ZNF385D: variants seen among roughly 807,000 people sequenced by gnomAD.
ZNF385D encodes the protein zinc finger protein 385D.
A neutral mutation model predicts 35.8 loss-of-function variants in ZNF385D; 15 were observed. The ratio of observed to expected loss-of-function variants is 0.42; its 90% CI spans 0.28 to 0.64. ZNF385D has a LOEUF of 0.64. Among genes scored for constraint, ZNF385D ranks in the 30% least tolerant of loss-of-function variants. The pLI is 0.23. For missense variants in ZNF385D, 474 were observed against 494.6 expected (o/e 0.96, Z 0.39); for synonymous variants, 212 against 186.8 (o/e 1.13, Z -1.10).
intron 2 of ZNF385D, among the ~76,000 whole-genome samples, chr3:22,271,008 T>G (rs1424248736): frequency 6.6e-6 from 1 of 151,922 alleles, no homozygotes; most frequent in Non-Finnish European, 1.5e-5. Context: ...CTGAGCAACA[T>G]TTTTTTGATG....
chr3:21,973,183 C>T (rs562356336), intron 3 of ZNF385D, among the ~76,000 whole-genome samples: 4 of 151,820 alleles, frequency 2.6e-5, no homozygotes, highest in Non-Finnish European at 5.9e-5. Context: ...TACCAAACGA[C>T]CAAATTCAAC....
chr3:21,456,765 A>C (rs1340660097), intron 4 of ZNF385D, among the ~76,000 whole-genome samples: 1 of 151,998 alleles, frequency 6.6e-6, no homozygotes, highest in African/African-American at 2.4e-5. Context: ...AAAAAAGAGA[A>C]ACTTTGAGTT....
At chr3:22,180,044 AC>A (rs1444536016) in intron 2 of ZNF385D, among the ~76,000 whole-genome samples, 1 of 152,220 alleles carries the variant, frequency 6.6e-6, no homozygotes, top group Non-Finnish European at 1.5e-5. Flanking sequence ...CACTAGCAAG[AC>A]TAATAAAGAA....
At chr3:21,558,000 C>T (rs1328308852) in intron 3 of ZNF385D, among the ~76,000 whole-genome samples, 1 of 151,806 alleles carries the variant, frequency 6.6e-6, no homozygotes, top group Non-Finnish European at 1.5e-5. Context: ...GTGGTGATAC[C>T]CCTTTATCAT....
intron 3 of ZNF385D, chr3:21,849,558 A>G (rs1696239152): frequency 6.7e-6 from 1 of 150,232 alleles, no homozygotes; most frequent in African/African-American, 2.4e-5. Context: ...CATTCACACC[A>G]CAAATAGAAT....
chr3:21,539,028 C>T lies in ZNF385D; in HGVS notation c.276+25546G>A, dbSNP rs934350721. ...AAGTTCCTTGTGGTAAACCATTTGA[C>T]TAGTCTCTCTGGTCTGAGAAGAGAT... On this transcript the variant is annotated intron_variant, in intron 3 of 7. Coordinates refer to ENST00000281523, the MANE Select transcript of ZNF385D (RefSeq NM_024697.3). This position sits in a 1 kb window ranked among gnomAD's most constrained non-coding sequence, Gnocchi z 4.0. 2.6e-5 allele frequency among the ~76,000 whole-genome samples: 4 copies of T among 152,112 alleles called. 1 individual carries two copies. The highest frequency in any genetic ancestry group is 4.2e-4 in the South Asian group (2 of 4,748).
In ZNF385D at chr3:21,982,616, C is replaced by T. The variant is rs141800339; in HGVS notation, c.325+186201G>A. On this transcript the variant is annotated intron_variant, in intron 3 of 5. Transcript: ENST00000494108. ...TTTGCTCTGGTTAGGACATCCAATA[C>T]TGTGTTGAACAAAAGTGGTGACAGA... Among the ~76,000 whole-genome samples, 398 of 152,240 alleles carry T rather than the reference C, an allele frequency of 2.6e-3. 1 individual carries two copies. The highest frequency in any genetic ancestry group is 9.0e-3 in the African/African-American group (373 of 41,548).
intron 3 of ZNF385D, among the ~76,000 whole-genome samples, chr3:22,124,018 G>A (rs1350584500): frequency 1.4e-5 from 2 of 140,112 alleles, no homozygotes; most frequent in African/African-American, 5.3e-5. Context: ...TGTTGTGCAA[G>A]CAACTGCTAG....
intron 3 of ZNF385D, among the ~76,000 whole-genome samples, chr3:21,773,425 T>G (rs1355356148): frequency 6.6e-6 from 1 of 151,826 alleles, no homozygotes; most frequent in Non-Finnish European, 1.5e-5. Flanking sequence ...AAATGGAATC[T>G]CATTAAACTA....
chr3:21,599,979 C>G (rs913037196), intron 2 of ZNF385D, among the ~76,000 whole-genome samples: 2 of 152,176 alleles, frequency 1.3e-5, no homozygotes, highest in African/African-American at 2.4e-5. Flanking sequence ...GCTGATAAAA[C>G]AGACTGCAGT....
At chr3:21,889,283 A>G (rs910355840) in intron 3 of ZNF385D, among the ~76,000 whole-genome samples, 1 of 152,176 alleles carries the variant, frequency 6.6e-6, no homozygotes, top group African/African-American at 2.4e-5. Context: ...GTATTGCCAT[A>G]GATCCTCCCT....
intron 1 of ZNF385D, among the ~76,000 whole-genome samples, chr3:21,702,260 G>C (rs180674124): frequency 3.3e-5 from 5 of 152,264 alleles, no homozygotes; most frequent in Admixed American, 2.0e-4. Context: ...ACACCTGCAG[G>C]CTTAACACCA....
chr3:21,897,028 G>A (rs1699173288), intron 3 of ZNF385D, among the ~76,000 whole-genome samples: 1 of 152,056 alleles, frequency 6.6e-6, no homozygotes, highest in African/African-American at 2.4e-5. Flanking sequence ...TCCTTGAAAG[G>A]CAGTCATGAA....
At chr3:21,714,948 C>CCG (rs1575517319) in intron 1 of ZNF385D, among the ~76,000 whole-genome samples, 1 of 152,144 alleles carries the variant, frequency 6.6e-6, no homozygotes, top group Non-Finnish European at 1.5e-5. Context: ...ACCCTCTGCC[C>CCG]GATGCCCTTG....
chr3:21,987,680 G>A (rs1435323443), intron 3 of ZNF385D, among the ~76,000 whole-genome samples: 1 of 144,348 alleles, frequency 6.9e-6, no homozygotes, highest in Non-Finnish European at 1.5e-5. Flanking sequence ...TATCTTTGTG[G>A]TGTTCTCTGT....
At chr3:21,582,503 T>C (rs2063696109) in intron 2 of ZNF385D, among the ~76,000 whole-genome samples, 1 of 152,218 alleles carries the variant, frequency 6.6e-6, no homozygotes, top group Non-Finnish European at 1.5e-5. Flanking sequence ...TCATGGGCCT[T>C]TCTTAATAAG....
intron 3 of ZNF385D, among the ~76,000 whole-genome samples, chr3:22,130,852 G>A (rs1703743981): frequency 6.6e-6 from 1 of 152,114 alleles, no homozygotes; most frequent in South Asian, 2.1e-4. Context: ...TGTTCCTTTG[G>A]GGGAACAATC....
chr3:21,457,913 G>A (rs1281070749), intron 4 of ZNF385D, among the ~76,000 whole-genome samples: 1 of 152,126 alleles, frequency 6.6e-6, no homozygotes, highest in Non-Finnish European at 1.5e-5. Context: ...TTGGAAAGCT[G>A]TGCCAGGAAT....
intron 3 of ZNF385D, among the ~76,000 whole-genome samples, chr3:21,866,281 C>T (rs986024928): frequency 7.2e-5 from 11 of 151,926 alleles, no homozygotes; most frequent in Admixed American, 1.3e-4. Context: ...GGTGAAACCC[C>T]GTCTCTTCTA....
Sources: gnomAD v4.1 joint callset for allele counts (sites outside exome capture counted in the v4.1 genomes callset) on GRCh38, gnomAD v4.1.1 for gene constraint, Gnocchi (gnomAD v3.1) non-coding constraint, MANE v1.5 for transcripts, NCBI Gene and HGNC (gene_info 2026-07-23, HGNC 2026-07-21) for gene names.